The following MAPRE2 variants were observed in gnomAD, a reference collection of about 807,000 sequenced individuals.
MAPRE2 encodes microtubule-associated protein RP/EB family member 2.
In MAPRE2, 13 loss-of-function variants were observed where a neutral mutation model predicts 43.2. That is an observed-to-expected ratio of 0.30 (90% CI 0.20 to 0.48). MAPRE2 has a LOEUF of 0.48. Among genes scored for constraint, MAPRE2 ranks in the 20% least tolerant of loss-of-function variants. MAPRE2 has a pLI of 0.99. For synonymous variants in MAPRE2, 135 were observed against 148.8 expected, an observed-to-expected ratio of 0.91 and a Z score of 0.68; for missense variants, 161 against 400.2, an observed-to-expected ratio of 0.40 and a Z score of 5.10.
chr18:35,060,185 C>T (rs976389945), intron 1 of MAPRE2, among the ~76,000 whole-genome samples: 1 of 152,054 alleles, frequency 6.6e-6, no homozygotes, highest in Non-Finnish European at 1.5e-5. Context: ...GACCTGGGAT[C>T]ATGGGAAAGA....
chr18:34,998,244 G>A (rs922478076), intron 1 of MAPRE2, among the ~76,000 whole-genome samples: 12 of 151,960 alleles, frequency 7.9e-5, no homozygotes, highest in Non-Finnish European at 1.6e-4. Context: ...GCTCAAACAG[G>A]AAACTTATGG....
chr18:35,113,309 A>G (rs1316362323), intron 4 of MAPRE2, among the ~76,000 whole-genome samples: 1 of 152,202 alleles, frequency 6.6e-6, no homozygotes, highest in Non-Finnish European at 1.5e-5. Flanking sequence ...GTCTGTAGAA[A>G]AGCCCAAGGG....
chr18:35,020,045 A>T (rs1306074809), intron 2 of MAPRE2, among the ~76,000 whole-genome samples: 1 of 152,110 alleles, frequency 6.6e-6, no homozygotes, highest in Non-Finnish European at 1.5e-5. Context: ...TGTACTGTGG[A>T]TGACACAGAT....
upstream of MAPRE2, chr18:35,041,333 C>T (rs1189387110): frequency 2.1e-6 from 3 of 1,431,986 alleles, no homozygotes; most frequent in South Asian, 1.5e-5. Flanking sequence ...GGCCACGTGA[C>T]CAGGGTGCTG....
chr18:35,103,582 T>C (rs1389083347), intron 4 of MAPRE2, among the ~76,000 whole-genome samples: 1 of 152,154 alleles, frequency 6.6e-6, no homozygotes, highest in Non-Finnish European at 1.5e-5. Flanking sequence ...AGATAAACAT[T>C]TGTGATTCTT....
At chr18:35,092,860 C>T (rs1908219318) in intron 2 of MAPRE2, among the ~76,000 whole-genome samples, 1 of 152,128 alleles carries the variant, frequency 6.6e-6, no homozygotes, top group South Asian at 2.1e-4. Context: ...CACTAATCAT[C>T]AAGGAAATAC....
intron 4 of MAPRE2, among the ~76,000 whole-genome samples, chr18:35,122,601 A>C (rs1000080916): frequency 2.6e-5 from 4 of 152,004 alleles, no homozygotes; most frequent in African/African-American, 9.7e-5. Context: ...TTCTTCCTTC[A>C]CTCAGCCTGC....
intron 2 of MAPRE2, among the ~76,000 whole-genome samples, chr18:35,078,943 C>T (rs556957304): frequency 1.3e-4 from 20 of 151,816 alleles, no homozygotes; most frequent in Non-Finnish European, 1.9e-4. Flanking sequence ...GGGAAAGAGC[C>T]GCCTGTTCTC....
chr18:35,044,505 C>G lies in MAPRE2; in HGVS notation c.122+2844C>G, dbSNP rs951492160. On this transcript the variant is annotated intron_variant, in intron 1 of 6. Transcript: ENST00000300249. ...TTGGCCTCCCAAAGTGCTGGGATTA[C>G]AGGCGTGCCCCACTGCACCCAGCCT... Among the ~76,000 whole-genome samples the G allele has an allele frequency of 2.6e-4, 40 of 152,244 alleles. 1 individual carries two copies. The highest frequency in any genetic ancestry group is 7.2e-4 in the Admixed American group (11 of 15,292).
chr18:35,123,195 A>G (rs952740303), intron 4 of MAPRE2, among the ~76,000 whole-genome samples: 2 of 149,706 alleles, frequency 1.3e-5, no homozygotes, highest in Non-Finnish European at 3.0e-5. Flanking sequence ...CTTATCAAAC[A>G]TTTCAGTTTT....
At chr18:35,016,320 A>C (rs939392277) in intron 2 of MAPRE2, among the ~76,000 whole-genome samples, 23 of 151,998 alleles carry the variant, frequency 1.5e-4, no homozygotes, top group African/African-American at 5.6e-4. Flanking sequence ...ATATATATAT[A>C]TCTCCAGTAA....
chr18:35,015,246 C>T (rs1012945116), intron 2 of MAPRE2, among the ~76,000 whole-genome samples: 3 of 152,058 alleles, frequency 2.0e-5, no homozygotes, highest in Non-Finnish European at 4.4e-5. Context: ...AGGAGCAAGA[C>T]CTGTAAACAG....
chr18:35,106,787 A>T (rs1455479772), intron 4 of MAPRE2, among the ~76,000 whole-genome samples: 2 of 152,206 alleles, frequency 1.3e-5, no homozygotes, highest in East Asian at 3.9e-4. Flanking sequence ...GGTAAGTTTT[A>T]TTGTCTACAT....
intron 1 of MAPRE2, among the ~76,000 whole-genome samples, chr18:34,997,246 G>A (rs1031392158): frequency 6.6e-6 from 1 of 152,178 alleles, no homozygotes; most frequent in Non-Finnish European, 1.5e-5. Context: ...GCAATGGCTT[G>A]TGGCCTCCAA....
chr18:35,045,679 A>G (rs1905583561), intron 1 of MAPRE2, among the ~76,000 whole-genome samples: 1 of 152,212 alleles, frequency 6.6e-6, no homozygotes, highest in South Asian at 2.1e-4. Flanking sequence ...CTATTGTAAC[A>G]TGGCTCACTT....
chr18:35,038,744 C>A (rs1159383084), upstream of MAPRE2, among the ~76,000 whole-genome samples: 1 of 152,278 alleles, frequency 6.6e-6, no homozygotes, highest in South Asian at 2.1e-4. Context: ...TTCCAGGTAA[C>A]CTGATTTATG....
chr18:34,978,144 C>T lies in MAPRE2; in HGVS notation c.-70+1065C>T, dbSNP rs560329218. ...ATTACGAACATTAGCCTTTCCTTCA[C>T]CTCCGCACCAGCCAACACTGCTGTC... On this transcript the variant is annotated intron_variant, in intron 1 of 7. Transcript: ENST00000413393. 2.1e-3 allele frequency: 631 copies of T among 307,138 alleles called. 11 individuals are homozygous for T. Among genetic ancestry groups the T allele is most frequent in the South Asian group, 0.015 (426 of 28,848 alleles). 19.0% of individuals were successfully genotyped at this position (307,138 alleles called of 1,614,324 possible).
At chr18:35,009,905 C>A (rs769380522) in intron 2 of MAPRE2, among the ~76,000 whole-genome samples, 13 of 152,214 alleles carry the variant, frequency 8.5e-5, no homozygotes, top group Admixed American at 2.0e-4. Flanking sequence ...ACCACAGCAC[C>A]AGAACCTTCA....
upstream of MAPRE2, among the ~76,000 whole-genome samples, chr18:35,040,765 C>T (rs190754838): frequency 6.6e-6 from 1 of 151,584 alleles, no homozygotes; most frequent in Non-Finnish European, 1.5e-5. Context: ...AAAGAAAAAC[C>T]CTCTTTGGGG....
Sources: allele counts gnomAD v4.1 joint callset (sites outside exome capture counted in the v4.1 genomes callset), GRCh38; gene constraint gnomAD v4.1.1; transcripts MANE v1.5; gene names NCBI Gene and HGNC (gene_info 2026-07-23, HGNC 2026-07-21).